HABP4: variants seen among roughly 807,000 people sequenced by gnomAD.
HABP4 encodes hyaluronan binding protein 4, also known as intracellular hyaluronan-binding protein 4.
Under a neutral mutation model 44.1 loss-of-function variants are expected in HABP4, and 32 were observed. That is an observed-to-expected ratio of 0.73 (90% CI 0.55 to 0.97). The LOEUF is 0.97. HABP4 is among the 50% of genes least tolerant of loss of function. The probability of loss-of-function intolerance (pLI) is 0.00; values close to 1 mark genes in which losing one functional copy is unlikely to be tolerated. For synonymous variants in HABP4, 216 were observed against 218.0 expected (o/e 0.99, Z 0.08); for missense variants, 503 against 561.9 (o/e 0.90, Z 1.06).
At chr9:96,453,287 G>A (rs1832319123) in intron 1 of HABP4, among the ~76,000 whole-genome samples, 1 of 151,984 alleles carries the variant, frequency 6.6e-6, no homozygotes, top group Non-Finnish European at 1.5e-5. Flanking sequence ...TGTTGGCCAG[G>A]ATGGTCTCGA....
chr9:96,481,458 A>G (rs1252910433), intron 5 of HABP4, among the ~76,000 whole-genome samples: 1 of 152,044 alleles, frequency 6.6e-6, no homozygotes, highest in East Asian at 1.9e-4. Context: ...CTCTAAGTAT[A>G]TAGGCCAGGT....
intron 2 of HABP4, among the ~76,000 whole-genome samples, chr9:96,463,333 C>T (rs1832539305): frequency 6.6e-6 from 1 of 152,142 alleles, no homozygotes; most frequent in Admixed American, 6.5e-5. Context: ...CGGCTCACTG[C>T]AACCTCTGCC....
intron 2 of HABP4, among the ~76,000 whole-genome samples, chr9:96,461,833 T>C (rs1401717306): frequency 3.3e-5 from 5 of 152,292 alleles, no homozygotes; most frequent in Admixed American, 3.3e-4. Flanking sequence ...GATCAAATTT[T>C]ATCATATTCA....
At position 96,478,212 on chromosome 9, in the gene HABP4, A is replaced by C. The variant is rs1355843480; in HGVS notation, c.828-6250A>C. Reference sequence around the variant, plus strand: ...CAGTGGTGCAATCTCGGCTCACTGCAACCTCCGCCTCCCAGGTTCAAGCGA... The same window carrying C: ...CAGTGGTGCAATCTCGGCTCACTGCCACCTCCGCCTCCCAGGTTCAAGCGA... On this transcript the variant is annotated intron_variant, in intron 5 of 7. Coordinates refer to ENST00000375249, the MANE Select transcript of HABP4 (RefSeq NM_014282.4). 4.5e-4 allele frequency among the ~76,000 whole-genome samples: 69 copies of C among 152,006 alleles called. 1 individual carries two copies. The highest frequency in any genetic ancestry group is 4.5e-3 in the Admixed American group (68 of 15,258).
At chr9:96,479,056 T>C (rs1832832779) in intron 5 of HABP4, among the ~76,000 whole-genome samples, 1 of 152,192 alleles carries the variant, frequency 6.6e-6, no homozygotes, top group Non-Finnish European at 1.5e-5. Context: ...CTTGATTGTT[T>C]CCAGGGCATT....
At chr9:96,478,630 T>C (rs1009904913) in intron 5 of HABP4, among the ~76,000 whole-genome samples, 1 of 151,752 alleles carries the variant, frequency 6.6e-6, no homozygotes, top group African/African-American at 2.4e-5. Flanking sequence ...TAGGTACATA[T>C]CTCATTATGG....
At chr9:96,477,676 T>A (rs1348267321) in intron 5 of HABP4, among the ~76,000 whole-genome samples, 1 of 152,232 alleles carries the variant, frequency 6.6e-6, no homozygotes, top group Admixed American at 6.5e-5. Context: ...AATTGGTTAG[T>A]CTCATGTCTG....
At position 96,467,463 on chromosome 9, in the gene HABP4, G is replaced by A. The variant is rs1446073002; in HGVS notation, c.743+1685G>A. On this transcript the variant is annotated intron_variant, in intron 4 of 7. Coordinates refer to ENST00000375249, the MANE Select transcript of HABP4 (RefSeq NM_014282.4). ...TAATATATTTTAAAAAGTAATATAG[G>A]CACTTTCTTTCCTTCTTTCTTTCTT... 3.3e-5 allele frequency among the ~76,000 whole-genome samples: 5 copies of A among 150,700 alleles called. No individual in the cohort carries two copies. In the East Asian group the frequency reaches 7.8e-4, roughly 23 times the overall value.
intron 5 of HABP4, among the ~76,000 whole-genome samples, chr9:96,476,653 C>A (rs1305188910): frequency 2.0e-5 from 3 of 152,204 alleles, no homozygotes; most frequent in Non-Finnish European, 4.4e-5. Flanking sequence ...GGATACATCT[C>A]TTCCTGTTGA....
chr9:96,487,781 T>G (rs576678080), intron 6 of HABP4, among the ~76,000 whole-genome samples: 1 of 152,368 alleles, frequency 6.6e-6, no homozygotes, highest in African/African-American at 2.4e-5. Context: ...TATCTTAACC[T>G]GCTCAGCTGA....
intron 2 of HABP4, among the ~76,000 whole-genome samples, chr9:96,463,898 C>T (rs1416698860): frequency 6.6e-6 from 1 of 152,194 alleles, no homozygotes; most frequent in African/African-American, 2.4e-5. Context: ...CCAGGACCTC[C>T]ATTAAATAAG....
chr9:96,467,518 C>G (rs1437994576), intron 4 of HABP4, among the ~76,000 whole-genome samples: 2 of 142,686 alleles, frequency 1.4e-5, no homozygotes, highest in African/African-American at 5.3e-5. Context: ...TTCTTTCTTT[C>G]TTTTTTTCCT....
chr9:96,489,101 G>A (rs1017198016), intron 7 of HABP4, among the ~76,000 whole-genome samples: 1 of 152,152 alleles, frequency 6.6e-6, no homozygotes, highest in African/African-American at 2.4e-5. Context: ...CCTGCTGCCC[G>A]GTTCCCTCGC....
In HABP4 at chr9:96,450,800, C is replaced by G. The variant is rs983835914; in HGVS notation, c.349+172C>G. 1.3e-5 allele frequency among the ~76,000 whole-genome samples: 2 copies of G among 152,284 alleles called. No homozygotes were observed. On this transcript the variant is annotated intron_variant, in intron 1 of 7. Transcript: ENST00000375249. The surrounding 1 kb of genome is among the most constrained non-coding windows in gnomAD (Gnocchi z 4.8). ...GGGGTCACACCCCTTCCAGCTCTCG[C>G]CAGCCTCGTGCGGGGCTCCGGGGGA... is the stretch of plus-strand genomic sequence containing the variant.
At position 96,490,759 on chromosome 9, in the gene HABP4, C is replaced by G. The variant is rs1482064370; in HGVS notation, c.*721C>G. On this transcript the variant is annotated 3_prime_UTR_variant, in exon 8 of 8. Coordinates refer to ENST00000375249, the MANE Select transcript of HABP4 (RefSeq NM_014282.4). ...GACTTCAAAAACCATGTTATTTAAC[C>G]TGCCAATCAAATGGAAAGGGATCAT... 2.6e-5 allele frequency: 4 copies of G among 152,182 alleles called. No homozygotes were observed. Among genetic ancestry groups the G allele is most frequent in the Non-Finnish European group, 4.4e-5 (3 of 68,038 alleles). The allele number at this position is 152,182 out of a possible 1,614,324, so 9.4% of individuals were successfully genotyped here.
At chr9:96,489,801 T>C (rs1357941596) in intron 7 of HABP4, among the ~76,000 whole-genome samples, 181 bp from the exon 8 acceptor site, 1 of 152,196 alleles carries the variant, frequency 6.6e-6, no homozygotes, top group Non-Finnish European at 1.5e-5. Flanking sequence ...TGGAGGCCTG[T>C]GTGGGAGGGG....
intron 5 of HABP4, among the ~76,000 whole-genome samples, chr9:96,477,598 CTGAT>C (rs1227446941): frequency 1.3e-5 from 2 of 151,990 alleles, no homozygotes; most frequent in Non-Finnish European, 2.9e-5. Context: ...TTCAGTTTCC[CTGAT>C]TGTCTTCAAA....
At chr9:96,456,023 C>T (rs1287715297) in intron 1 of HABP4, among the ~76,000 whole-genome samples, 1 of 152,024 alleles carries the variant, frequency 6.6e-6, no homozygotes, top group African/African-American at 2.4e-5. Context: ...CCATTGTACT[C>T]CAGCCTGGGT....
chr9:96,485,947 T>G (rs1832968538), intron 6 of HABP4, among the ~76,000 whole-genome samples: 1 of 152,054 alleles, frequency 6.6e-6, no homozygotes, highest in South Asian at 2.1e-4. Context: ...GATACAGGGT[T>G]CTTGGGAGGC....
Sources: gnomAD v4.1 joint callset for allele counts (sites outside exome capture counted in the v4.1 genomes callset) on GRCh38, gnomAD v4.1.1 for gene constraint, Gnocchi (gnomAD v3.1) non-coding constraint, MANE v1.5 for transcripts, NCBI Gene and HGNC (gene_info 2026-07-23, HGNC 2026-07-21) for gene names.